The following RAPGEF3 variants were observed in gnomAD, a reference collection of about 807,000 sequenced individuals.
The protein encoded by RAPGEF3 is 9330170P05Rik.
A neutral mutation model predicts 129.8 loss-of-function variants in RAPGEF3; 103 were observed. That is an observed-to-expected ratio of 0.79 (90% confidence interval 0.68 to 0.93). The LOEUF (loss-of-function observed/expected upper bound fraction) is 0.93, where lower values mean the gene tolerates loss of function less well. Ranked by LOEUF, RAPGEF3 falls within the 40% of genes least tolerant of loss-of-function variation. The pLI, the probability that RAPGEF3 is intolerant of heterozygous loss-of-function variation, is 0.00. For missense variants in RAPGEF3, 1,117 were observed against 1,207.4 expected (o/e 0.93, Z 1.11); for synonymous variants, 436 against 482.6 (o/e 0.90, Z 1.26).
rs765107108 is a variant in RAPGEF3, at chr12:47,751,944, G to T, written c.245C>A (p.Ser82Tyr). 1.9e-6 allele frequency: 3 copies of T among 1,613,968 alleles called. No individual in the cohort carries two copies. The highest frequency in any genetic ancestry group is 2.5e-6 in the Non-Finnish European group (3 of 1,180,018). The change falls in exon 3 of 28, where the codon TCC (serine) becomes TAC (tyrosine). Residue 82 changes from serine (S) to tyrosine (Y), a missense_variant. Ser to Tyr is a moderately radical substitution (Grantham distance 144, BLOSUM62 -2). Coordinates refer to ENST00000449771, the MANE Select transcript of RAPGEF3 (RefSeq NM_001098531.4). ...CTCCAGGCTCTCGCTGAAATCCAGG[G>T]ACTCCTCGCTGTTGGTGAGTGGTGT... The part of the protein sequence containing the change: ...RWTPLTNSEE[S>Y]LDFSESLEQA...
At chr12:47,752,118 T>C (rs1941789222) in intron 2 of RAPGEF3, 149 bp from the exon 3 acceptor site, 1 of 827,742 alleles carries the variant, frequency 1.2e-6, no homozygotes, top group African/African-American at 1.7e-5. Flanking sequence ...TAAACAAATA[T>C]TCACTCAGCA....
At chr12:47,745,805 C>G (rs1343420400) in intron 16 of RAPGEF3, 2 of 152,310 alleles carry the variant, frequency 1.3e-5, no homozygotes, top group Non-Finnish European at 1.5e-5. Flanking sequence ...GCATCAGCAC[C>G]TAGCGCAGTG....
intron 24 of RAPGEF3, 94 bp from the exon 25 acceptor site, chr12:47,738,848 C>T: frequency 8.7e-7 from 1 of 1,143,912 alleles, no homozygotes; most frequent in South Asian, 1.2e-5. Flanking sequence ...CTTGGGCCTA[C>T]CTCACCCCAT....
intron 5 of RAPGEF3, 34 bp downstream of exon 5, chr12:47,751,355 TGCCCAGCCCA>T: frequency 6.2e-7 from 1 of 1,611,428 alleles, no homozygotes; most frequent in Non-Finnish European, 8.5e-7. Context: ...TCCCCCTCAC[TGCCCAGCCCA>T]GCCCGGGGCA....
rs183494958 is a variant in RAPGEF3, at chr12:47,749,789, C to T, written c.846G>A (p.Ser282=). ...VLFSQGDKGT[S]WYIIWKGSVN... The stretch of plus-strand genomic sequence containing the variant: ...CAGATCCCTTCCAGATAATGTACCA[C>T]GAAGTGCCCTTGTCCCCCTGGCTGA... Residue 282 remains serine (S), a synonymous_variant, in exon 9 of 28, where the codon TCG becomes TCA. Coordinates refer to ENST00000449771, the MANE Select transcript of RAPGEF3 (RefSeq NM_001098531.4). This position sits in a 1 kb window ranked among gnomAD's most constrained non-coding sequence, Gnocchi z 4.5. 3.5e-4 allele frequency: 566 copies of T among 1,614,182 alleles called. 6 individuals are homozygous for T. The Admixed American group carries it at 8.5e-3, about 24-fold the overall frequency.
chr12:47,738,484 C>T (rs1261754622), intron 25 of RAPGEF3, among the ~76,000 whole-genome samples: 1 of 152,174 alleles, frequency 6.6e-6, no homozygotes. Context: ...GCTGGAAGGG[C>T]TCTCGTTGAA....
chr12:47,748,754 A>G, intron 11 of RAPGEF3, 65 bp downstream of exon 11: 2 of 1,279,430 alleles, frequency 1.6e-6, no homozygotes. Context: ...ACACAGGGGA[A>G]GGGAGCAAAG....
chr12:47,748,452 A>G lies in RAPGEF3; in HGVS notation c.1243+2T>C, dbSNP rs760799372. The G allele has an allele frequency of 1.2e-6, 2 of 1,612,262 alleles. No homozygotes were observed. Among genetic ancestry groups the G allele is most frequent in the Non-Finnish European group, 1.7e-6 (2 of 1,179,106 alleles). On this transcript the variant is annotated splice_donor_variant, in intron 12 of 27. Coordinates refer to ENST00000449771, the MANE Select transcript of RAPGEF3 (RefSeq NM_001098531.4). LOFTEE classifies it high-confidence loss of function. The stretch of plus-strand genomic sequence containing the variant: ...AGCAGGCAGGGTGTCTCTTGCCCTT[A>G]CCTGTTGGGTCATGAGCACTGGAAT...
intron 7 of RAPGEF3, 140 bp downstream of exon 7, chr12:47,750,201 G>T: frequency 9.1e-7 from 1 of 1,097,374 alleles, no homozygotes; most frequent in Non-Finnish European, 1.4e-6. Flanking sequence ...GCAGCGCCGG[G>T]GGCAAGAAAT....
intron 6 of RAPGEF3, 141 bp from the exon 7 acceptor site, chr12:47,750,566 A>G: frequency 1.4e-6 from 1 of 702,054 alleles, no homozygotes; most frequent in Non-Finnish European, 2.5e-6. Flanking sequence ...ACCTTTACTG[A>G]GTGCGCACAT....
At chr12:47,746,240 C>T (rs538243933) in intron 16 of RAPGEF3, 6 of 211,816 alleles carry the variant, frequency 2.8e-5, no homozygotes, top group Non-Finnish European at 5.6e-5. Context: ...TAAGAGTCTC[C>T]AGCAGGCAGG....
chr12:47,747,596 G>C lies in RAPGEF3; in HGVS notation c.1504C>G (p.Arg502Gly), dbSNP rs770919870. Residue 502 changes from arginine (R) to glycine (G), a missense_variant, in exon 15 of 28, where the codon CGA (arginine) becomes GGA (glycine). Coordinates refer to ENST00000449771, the MANE Select transcript of RAPGEF3 (RefSeq NM_001098531.4). The part of the protein sequence containing the change: ...KLSDLVGRDT[R>G]LSNLLREQWP... The stretch of plus-strand genomic sequence containing the variant: ...TGCTCCCTCAGCAGGTTGCTGAGTC[G>C]GGTGTCCCTGCCCACCAGGTCTGAG... 1 of 1,614,072 alleles carries C rather than the reference G, an allele frequency of 6.2e-7. No individual in the cohort carries two copies. Among genetic ancestry groups the C allele is most frequent in the South Asian group, 1.1e-5 (1 of 91,086 alleles).
Position 47,746,801 on chromosome 12 carries a change from G to A in RAPGEF3, c.1596+59C>T, listed in dbSNP as rs769940610. Reference sequence around the variant, plus strand: ...ACAGAGCCCCTCAGGGTCAGGGGGCGAAGGAGGGGCCTGCAGTCCAGGAGG... The same window carrying A: ...ACAGAGCCCCTCAGGGTCAGGGGGCAAAGGAGGGGCCTGCAGTCCAGGAGG... On this transcript the variant is annotated intron_variant, in intron 16 of 27. Coordinates refer to ENST00000449771, the MANE Select transcript of RAPGEF3 (RefSeq NM_001098531.4). The A allele has an allele frequency of 2.4e-5, 37 of 1,521,884 alleles. No individual in the cohort carries two copies. In the African/African-American group the frequency reaches 3.2e-4, roughly 13 times the overall value. 94.3% of individuals were successfully genotyped at this position (1,521,884 alleles called of 1,614,324 possible). A position where few individuals can be genotyped will look rare whatever the true frequency, so the allele number is the denominator to read the frequency against.
chr12:47,758,336 T>C, intron 1 of RAPGEF3: 1 of 1,440,426 alleles, frequency 6.9e-7, no homozygotes, highest in Non-Finnish European at 9.1e-7. Flanking sequence ...TTCTGTCCCA[T>C]CTCACTGCCC....
At chr12:47,755,686 T>A (rs1476575) in intron 2 of RAPGEF3, 1 of 152,284 alleles carries the variant, frequency 6.6e-6, no homozygotes, top group Non-Finnish European at 1.5e-5. Flanking sequence ...TTTCATTTTC[T>A]CTTGTCCTGG....
In RAPGEF3 at chr12:47,758,800, G is replaced by T. The variant is rs945310199; in HGVS notation, c.-244C>A. Reference sequence around the variant, plus strand: ...GGTGGGGGGACGCCACCCAGCCACCGGCGACAGGGAGCCCCGAGCCTGCGC... The same window carrying T: ...GGTGGGGGGACGCCACCCAGCCACCTGCGACAGGGAGCCCCGAGCCTGCGC... On this transcript the variant is annotated 5_prime_UTR_variant, in exon 1 of 28. Coordinates refer to ENST00000449771, the MANE Select transcript of RAPGEF3 (RefSeq NM_001098531.4). The T allele has an allele frequency of 3.2e-6, 4 of 1,236,240 alleles. No homozygotes were observed. In the East Asian group the frequency reaches 1.3e-4, roughly 40 times the overall value. The allele number at this position is 1,236,240 out of a possible 1,614,324, so 76.6% of individuals were successfully genotyped here. A position where few individuals can be genotyped will look rare whatever the true frequency, so the allele number is the denominator to read the frequency against.
In RAPGEF3 at chr12:47,736,675, A is replaced by G. The variant is rs1009616963; in HGVS notation, c.*892T>C. On this transcript the variant is annotated 3_prime_UTR_variant, in exon 28 of 28. Coordinates refer to ENST00000449771, the MANE Select transcript of RAPGEF3 (RefSeq NM_001098531.4). ...ATTGTTTCTATCACAAGCCACCCCC[A>G]GAAGACCCCAGAAGCCTGGCCCAAC... 3.3e-5 allele frequency: 5 copies of G among 152,312 alleles called. No individual in the cohort carries two copies. The highest frequency in any genetic ancestry group is 1.2e-4 in the African/African-American group (5 of 41,478). 9.4% of individuals were successfully genotyped at this position (152,312 alleles called of 1,614,324 possible). A position where few individuals can be genotyped will look rare whatever the true frequency, so the allele number is the denominator to read the frequency against.
chr12:47,757,024 T>C (rs1942111531), intron 2 of RAPGEF3, among the ~76,000 whole-genome samples: 2 of 151,472 alleles, frequency 1.3e-5, no homozygotes, highest in East Asian at 1.9e-4. Context: ...CCAAGCGCAG[T>C]GGGTCACGCC....
At chr12:47,758,461 C>A in intron 1 of RAPGEF3, 90 bp downstream of exon 1, 1 of 1,586,158 alleles carries the variant, frequency 6.3e-7, no homozygotes. Flanking sequence ...CCCTGACTAA[C>A]CCTCCCTCTC....
Sources: gnomAD v4.1 joint callset for allele counts (sites outside exome capture counted in the v4.1 genomes callset) on GRCh38, gnomAD v4.1.1 for gene constraint, Gnocchi (gnomAD v3.1) non-coding constraint, MANE v1.5 for transcripts, NCBI Gene and HGNC (gene_info 2026-07-23, HGNC 2026-07-21) for gene names.